MGAT4C: variants seen among roughly 807,000 people sequenced by gnomAD.
MGAT4C encodes MGAT4 family member C.
MGAT4C carries 19 observed loss-of-function variants against 40.1 expected under a neutral mutation model. The observed-to-expected ratio is 0.47, with a 90% CI of 0.33 to 0.70. The LOEUF (loss-of-function observed/expected upper bound fraction) is 0.70, where lower values mean the gene tolerates loss of function less well. Ranked by LOEUF, MGAT4C falls within the 30% of genes least tolerant of loss-of-function variation. The pLI, the probability that MGAT4C is intolerant of heterozygous loss-of-function variation, is 0.02. For missense variants in MGAT4C, 491 were observed against 563.2 expected (o/e 0.87, Z 1.30); for synonymous variants, 181 against 187.1 (o/e 0.97, Z 0.27).
intron 2 of MGAT4C, among the ~76,000 whole-genome samples, chr12:86,686,201 T>C (rs1157259499): frequency 6.6e-6 from 1 of 152,026 alleles, no homozygotes; most frequent in Non-Finnish European, 1.5e-5. Flanking sequence ...TTTTTGCACA[T>C]TGATTTTGTA....
At chr12:86,810,192 A>T (rs983291739) in intron 1 of MGAT4C, among the ~76,000 whole-genome samples, 1 of 151,882 alleles carries the variant, frequency 6.6e-6, no homozygotes, top group African/African-American at 2.4e-5. Flanking sequence ...TGTGTTTTTT[A>T]AAATTGATCC....
chr12:86,735,672 C>G (rs1187724498), intron 1 of MGAT4C, among the ~76,000 whole-genome samples: 1 of 151,840 alleles, frequency 6.6e-6, no homozygotes, highest in African/African-American at 2.4e-5. Flanking sequence ...ATTAGTTATA[C>G]TGTGAAGAAG....
chr12:86,237,678 G>A (rs1481123425), intron 1 of MGAT4C, among the ~76,000 whole-genome samples: 3 of 151,774 alleles, frequency 2.0e-5, no homozygotes, highest in African/African-American at 4.8e-5. Context: ...TTGTGTTGCT[G>A]TAAGTTCTTT....
At chr12:86,171,651 T>A (rs1886862271) in intron 1 of MGAT4C, among the ~76,000 whole-genome samples, 1 of 152,194 alleles carries the variant, frequency 6.6e-6, no homozygotes, top group Admixed American at 6.5e-5. Flanking sequence ...GACATTTTCC[T>A]TATAGGCTGA....
chr12:86,548,034 G>C (rs1381339554), intron 2 of MGAT4C, among the ~76,000 whole-genome samples: 1 of 152,050 alleles, frequency 6.6e-6, no homozygotes, highest in Non-Finnish European at 1.5e-5. Flanking sequence ...GTAGCTCTTA[G>C]GATCTTCAGA....
intron 2 of MGAT4C, among the ~76,000 whole-genome samples, chr12:85,990,930 A>G (rs1885844280): frequency 6.6e-6 from 1 of 152,164 alleles, no homozygotes; most frequent in Non-Finnish European, 1.5e-5. Context: ...TGGAGGCAAT[A>G]TTGTAGTTCT....
chr12:86,737,132 C>T (rs541243314), intron 1 of MGAT4C, among the ~76,000 whole-genome samples: 216 of 151,102 alleles, frequency 1.4e-3, no homozygotes, highest in Admixed American at 3.7e-3. Flanking sequence ...GAAATGGCTG[C>T]TTCGCTTGAT....
chr12:86,339,421 G>T (rs1398493198), intron 3 of MGAT4C, among the ~76,000 whole-genome samples: 1 of 152,090 alleles, frequency 6.6e-6, no homozygotes, highest in Non-Finnish European at 1.5e-5. Flanking sequence ...ATTAGGAAAT[G>T]ATATTTCAGA....
chr12:86,214,943 T>G (rs839104), intron 1 of MGAT4C, among the ~76,000 whole-genome samples: 99,976 of 151,976 alleles, frequency 0.66, 33,528 homozygotes, highest in South Asian at 0.76. Context: ...TTGCATCATA[T>G]CAGTTTCTTG....
intron 1 of MGAT4C, among the ~76,000 whole-genome samples, chr12:86,807,823 AC>A (rs1209509367): frequency 6.6e-6 from 1 of 152,090 alleles, no homozygotes; most frequent in Non-Finnish European, 1.5e-5. Flanking sequence ...TGCCATTCTG[AC>A]TGGCATGATA....
intron 2 of MGAT4C, among the ~76,000 whole-genome samples, chr12:86,688,863 C>T (rs1593117189): frequency 6.6e-6 from 1 of 152,102 alleles, no homozygotes; most frequent in African/African-American, 2.4e-5. Flanking sequence ...GCGGTGCTCT[C>T]TATATTTCCT....
At chr12:86,515,991 A>G (rs952116341) in intron 2 of MGAT4C, among the ~76,000 whole-genome samples, 1 of 151,786 alleles carries the variant, frequency 6.6e-6, no homozygotes, top group African/African-American at 2.4e-5. Context: ...TGATCCGCCC[A>G]CCTCGACCTC....
At position 85,978,105 on chromosome 12, in the gene MGAT4C, G is replaced by A. The variant is rs148442794; in HGVS notation, c.*1184C>T. Reference sequence around the variant, plus strand: ...CTATTTGGGTGCTTATACCAAAAAAGCATCATTTAGGACATTATTTAGGAT... The same window carrying A: ...CTATTTGGGTGCTTATACCAAAAAAACATCATTTAGGACATTATTTAGGAT... On this transcript the variant is annotated 3_prime_UTR_variant, in exon 5 of 5. Coordinates refer to ENST00000611864, the MANE Select transcript of MGAT4C (RefSeq NM_001351288.2). The A allele has an allele frequency of 2.6e-5, 4 of 151,416 alleles. No homozygotes were observed. The highest frequency in any genetic ancestry group is 9.7e-5 in the African/African-American group (4 of 41,342). 9.4% of individuals were successfully genotyped at this position (151,416 alleles called of 1,614,324 possible). A position where few individuals can be genotyped will look rare whatever the true frequency, so the allele number is the denominator to read the frequency against.
chr12:86,321,780 G>C (rs1008402004), intron 4 of MGAT4C, among the ~76,000 whole-genome samples: 7 of 152,148 alleles, frequency 4.6e-5, no homozygotes, highest in African/African-American at 1.7e-4. Flanking sequence ...TGGTGGGACT[G>C]TAAACTAGTT....
intron 3 of MGAT4C, among the ~76,000 whole-genome samples, chr12:86,372,813 C>G (rs1955743614): frequency 6.6e-6 from 1 of 151,668 alleles, no homozygotes; most frequent in African/African-American, 2.4e-5. Context: ...AGTATTTTGT[C>G]TAAACACTTT....
At chr12:86,742,133 A>G (rs1200047597) in intron 1 of MGAT4C, among the ~76,000 whole-genome samples, 1 of 151,340 alleles carries the variant, frequency 6.6e-6, no homozygotes, top group African/African-American at 2.4e-5. Context: ...TCAGAGATTC[A>G]TATTTCATAT....
intron 4 of MGAT4C, among the ~76,000 whole-genome samples, chr12:86,328,362 A>G (rs907043612): frequency 2.0e-5 from 3 of 152,140 alleles, no homozygotes; most frequent in Admixed American, 2.0e-4. Context: ...TAAAAATGCA[A>G]ATGTTGGAAT....
At chr12:86,765,696 A>C (rs1374641178) in intron 1 of MGAT4C, among the ~76,000 whole-genome samples, 1 of 152,204 alleles carries the variant, frequency 6.6e-6, no homozygotes. Flanking sequence ...GCCAGAAGAG[A>C]GTGGGGGCCA....
At chr12:86,769,825 T>C (rs189412652) in intron 1 of MGAT4C, among the ~76,000 whole-genome samples, 1 of 151,802 alleles carries the variant, frequency 6.6e-6, no homozygotes, top group Non-Finnish European at 1.5e-5. Context: ...TGAGAACACA[T>C]GGACACAGGA....
Sources: gnomAD v4.1 joint callset for allele counts (sites outside exome capture counted in the v4.1 genomes callset) on GRCh38, gnomAD v4.1.1 for gene constraint, MANE v1.5 for transcripts, NCBI Gene and HGNC (gene_info 2026-07-23, HGNC 2026-07-21) for gene names.